The following UTP20 variants were observed in gnomAD, a reference collection of about 807,000 sequenced individuals.
UTP20 encodes UTP20 small subunit processome component, also known as small subunit processome component 20 homolog.
In UTP20, 164 loss-of-function variants were observed where a neutral mutation model predicts 329.5. The ratio of observed to expected loss-of-function variants is 0.50; its 90% confidence interval spans 0.44 to 0.57. UTP20 has a LOEUF of 0.57. Among genes scored for constraint, UTP20 ranks in the 20% least tolerant of loss-of-function variants. The pLI is 0.00. For missense variants in UTP20, 3,055 were observed against 3,284.2 expected (o/e 0.93, Z 1.71); for synonymous variants, 1,151 against 1,159.3 (o/e 0.99, Z 0.14).
At chr12:101,321,471 AGTG>A in intron 24 of UTP20, 30 bp from the exon 25 acceptor site, 3 of 1,608,984 alleles carry the variant, frequency 1.9e-6, no homozygotes, top group Non-Finnish European at 2.5e-6. Context: ...CTGTTGATAA[AGTG>A]GTGATTTGTG....
In UTP20 at chr12:101,291,622, G is replaced by T. The variant is rs546269928; in HGVS notation, c.892-120G>T. ...TTATCGTTAGTGAGTCCTGGTAAATGTATCTTTTTCTTCCAAAGCAAGAGA... is the reference window on the plus strand; with the variant it reads ...TTATCGTTAGTGAGTCCTGGTAAATTTATCTTTTTCTTCCAAAGCAAGAGA... On this transcript the variant is annotated intron_variant, in intron 8 of 61. Transcript: ENST00000261637. 2.5e-4 allele frequency: 224 copies of T among 907,716 alleles called. 1 individual carries two copies. The highest frequency in any genetic ancestry group is 1.8e-3 in the Admixed American group (46 of 26,078). 56.2% of individuals were successfully genotyped at this position (907,716 alleles called of 1,614,324 possible).
chr12:101,336,496 C>T (rs1393132308), intron 29 of UTP20, among the ~76,000 whole-genome samples: 2 of 152,108 alleles, frequency 1.3e-5, no homozygotes, highest in Non-Finnish European at 2.9e-5. Context: ...CTGAAAAACT[C>T]CTGAGGTTGA....
At position 101,356,735 on chromosome 12, in the gene UTP20, A is replaced by G. The variant is rs371365040; in HGVS notation, c.5534+42A>G. ...ATTAGAAGTTTAGTGAAACTCAAAA[A>G]TTGGTTCTTTTCTTCCTTACTTTTG... On this transcript the variant is annotated intron_variant, in intron 42 of 61. Transcript: ENST00000261637. 8.0e-5 allele frequency: 126 copies of G among 1,581,628 alleles called. No homozygotes were observed. In the African/African-American group the frequency reaches 9.8e-4, roughly 12 times the overall value.
intron 12 of UTP20, among the ~76,000 whole-genome samples, chr12:101,298,056 A>G (rs75788298): frequency 0.014 from 2,132 of 152,206 alleles, 29 homozygotes; most frequent in East Asian, 0.08. Context: ...TACTAGTAAC[A>G]CTCTATCTAC....
At chr12:101,312,401 C>A in intron 21 of UTP20, 125 bp downstream of exon 21, 1 of 1,314,664 alleles carries the variant, frequency 7.6e-7, no homozygotes, top group Non-Finnish European at 1.0e-6. Context: ...TTCCAATCAT[C>A]CATTAGGCTG....
intron 45 of UTP20, 47 bp from the exon 46 acceptor site, chr12:101,365,412 A>T (rs755295121): frequency 3.9e-5 from 56 of 1,425,614 alleles, no homozygotes; most frequent in Non-Finnish European, 5.0e-5. Flanking sequence ...ACAAATCAAA[A>T]TGCATTTCTG....
chr12:101,352,350 C>G (rs1869556670), intron 39 of UTP20, among the ~76,000 whole-genome samples, 156 bp downstream of exon 39: 1 of 152,084 alleles, frequency 6.6e-6, no homozygotes, highest in Non-Finnish European at 1.5e-5. Flanking sequence ...GATAATGCCA[C>G]AATAAACATA....
In UTP20 at chr12:101,338,341, A is replaced by AG. The variant is rs1428034620; in HGVS notation, c.3868+65dup. The AG allele has an allele frequency of 1.9e-6, 3 of 1,547,280 alleles. No homozygotes were observed. The African/African-American group carries it at 4.1e-5, about 21-fold the overall frequency. On this transcript the variant is annotated intron_variant, in intron 30 of 61. Coordinates refer to ENST00000261637, the MANE Select transcript of UTP20 (RefSeq NM_014503.3). Reference sequence around the variant, plus strand: ...GCTGTAGCAATTGTTTCCTTAGAAGAGAAAAAAAATCAGTATAATTTGACT... The same window carrying AG: ...GCTGTAGCAATTGTTTCCTTAGAAGAGGAAAAAAAATCAGTATAATTTGACT...
Position 101,386,062 on chromosome 12 carries a change from C to T in UTP20, c.8297C>T (p.Pro2766Leu). 3.7e-6 allele frequency: 6 copies of T among 1,609,584 alleles called. No homozygotes were observed. Among genetic ancestry groups the T allele is most frequent in the East Asian group, 2.2e-5 (1 of 44,858 alleles). ...AKKRKIEFLR[P>L]GYKAKRQKSH... Reference sequence around the variant, plus strand: ...AAGAGAAAGATAGAGTTCCTGCGTCCAGGATATAAGGCCAAGAGACAAAAA... The same window carrying T: ...AAGAGAAAGATAGAGTTCCTGCGTCTAGGATATAAGGCCAAGAGACAAAAA... Residue 2766 changes from proline to leucine, a missense_variant, in exon 62 of 62, where the codon CCA becomes CTA. This residue lies in a region of UTP20 where 337 missense variants were observed against 345.5 expected (regional missense o/e 0.98). Transcript: ENST00000261637.
Position 101,383,639 on chromosome 12 carries a change from C to T in UTP20, c.8026C>T (p.Arg2676Trp), listed in dbSNP as rs765551216. 5 of 1,613,580 alleles carry T rather than the reference C, an allele frequency of 3.1e-6. No homozygotes were observed. Among genetic ancestry groups the T allele is most frequent in the Admixed American group, 3.3e-5 (2 of 59,952 alleles). Residue 2676 changes from arginine (R) to tryptophan (W), a missense_variant, in exon 60 of 62, where the codon CGG becomes TGG. Around this residue, in one of 3 missense-constraint regions of UTP20, gnomAD observed 337 missense variants for 345.5 expected, o/e 0.98. Coordinates refer to ENST00000261637, the MANE Select transcript of UTP20 (RefSeq NM_014503.3). ...CCCAATGATCATAGCTCCTTTGTTT[C>T]GGGAACTCAACAGCACCTATTCAGA... ...YLPMIIAPLF[R>W]ELNSTYSEQD... is the part of the protein sequence containing the mutation.
intron 12 of UTP20, 92 bp from the exon 13 acceptor site, chr12:101,299,590 C>T (rs527685972): frequency 7.8e-7 from 1 of 1,274,520 alleles, no homozygotes; most frequent in East Asian, 2.4e-5. Flanking sequence ...TCTAATGCTC[C>T]ACAATGGTAA....
chr12:101,290,563 T>A (rs1368208505), intron 7 of UTP20, among the ~76,000 whole-genome samples, 170 bp from the exon 8 acceptor site: 1 of 152,238 alleles, frequency 6.6e-6, no homozygotes, highest in Non-Finnish European at 1.5e-5. Context: ...ATTCCCATCC[T>A]AGTTTAGAAG....
intron 14 of UTP20, among the ~76,000 whole-genome samples, chr12:101,302,091 C>T (rs573677669): frequency 6.6e-6 from 1 of 152,214 alleles, no homozygotes; most frequent in South Asian, 2.1e-4. Flanking sequence ...CCACCATGCC[C>T]AGCTAATTTT....
chr12:101,280,837 G>T (rs1871773303), intron 1 of UTP20, among the ~76,000 whole-genome samples: 2 of 152,176 alleles, frequency 1.3e-5, no homozygotes, highest in South Asian at 4.1e-4. Context: ...AAACCTAATA[G>T]ATCTAGCGAG....
chr12:101,332,480 A>G (rs1438897960), intron 27 of UTP20, among the ~76,000 whole-genome samples: 5 of 152,182 alleles, frequency 3.3e-5, no homozygotes, highest in African/African-American at 7.2e-5. Flanking sequence ...ATTAGTAGGG[A>G]CTCAATAAAT....
At chr12:101,352,298 A>G (rs1869554886) in intron 39 of UTP20, 104 bp downstream of exon 39, 1 of 1,254,248 alleles carries the variant, frequency 8.0e-7, no homozygotes, top group Non-Finnish European at 1.1e-6. Flanking sequence ...CCAGTCTATC[A>G]TTGTTGGACA....
chr12:101,363,378 T>G (rs773197470), intron 44 of UTP20, among the ~76,000 whole-genome samples, 198 bp from the exon 45 acceptor site: 2 of 152,200 alleles, frequency 1.3e-5, no homozygotes, highest in African/African-American at 2.4e-5. Context: ...TTCTTATGTG[T>G]TTGTTTTTTT....
At chr12:101,338,590 T>TAA (rs375277562) in intron 30 of UTP20, among the ~76,000 whole-genome samples, 3 of 152,216 alleles carry the variant, frequency 2.0e-5, no homozygotes, top group Non-Finnish European at 2.9e-5. Flanking sequence ...ATGGTTTAAA[T>TAA]AAAGCCTCAG....
Position 101,370,587 on chromosome 12 carries a change from C to G in UTP20, c.6687+24C>G, listed in dbSNP as rs146793956. On this transcript the variant is annotated intron_variant, in intron 50 of 61. Transcript: ENST00000261637. The stretch of plus-strand genomic sequence containing the variant: ...AGGTATGCTGTCGCCAGAATGTTGA[C>G]TGTTACGGTTTATGAGTTTCACAGC... 620 of 1,604,834 alleles carry G rather than the reference C, an allele frequency of 3.9e-4. 4 individuals are homozygous for G. In the African/African-American group the frequency reaches 7.3e-3, roughly 19 times the overall value.
Sources: allele counts gnomAD v4.1 joint callset (sites outside exome capture counted in the v4.1 genomes callset), GRCh38; gene constraint gnomAD v4.1.1; regional missense constraint gnomAD v4.1.1; transcripts MANE v1.5; gene names NCBI Gene and HGNC (gene_info 2026-07-23, HGNC 2026-07-21).